TENM4: variants seen among roughly 807,000 people sequenced by gnomAD.
TENM4 encodes the protein teneurin-4.
TENM4 carries 82 observed loss-of-function variants against 243.3 expected under a neutral mutation model. The observed-to-expected ratio is 0.34, with a 90% CI of 0.28 to 0.40. TENM4 has a LOEUF of 0.40. TENM4 is among the 10% of genes least tolerant of loss of function. The probability of loss-of-function intolerance (pLI) is 1.00; values close to 1 mark genes in which losing one functional copy is unlikely to be tolerated. For synonymous variants in TENM4, 1,412 were observed against 1,456.3 expected (o/e 0.97, Z 0.69); for missense variants, 3,138 against 3,673.3 (o/e 0.85, Z 3.77).
rs74646420 is a variant in TENM4 at position 79,060,266 on chromosome 11, C to T, written c.493+4472G>A. Among the ~76,000 whole-genome samples, 1,118 of 152,236 alleles carry T rather than the reference C, an allele frequency of 7.3e-3. 20 individuals carry two copies. Among genetic ancestry groups the T allele is most frequent in the African/African-American group, 0.025 (1,046 of 41,548 alleles). ...GAGGGCTGGCTCTGCCTGAAGGCCC[C>T]GAGTAGGAAGATTTGTGTTTACATT... On this transcript the variant is annotated intron_variant, in intron 6 of 33. Coordinates refer to ENST00000278550, the MANE Select transcript of TENM4 (RefSeq NM_001098816.3).
At chr11:78,897,269 C>T (rs993718439) in intron 7 of TENM4, among the ~76,000 whole-genome samples, 1 of 152,174 alleles carries the variant, frequency 6.6e-6, no homozygotes, top group Admixed American at 6.5e-5. Context: ...AACCTTGTGC[C>T]TGGTTTGCCC....
At chr11:79,347,715 T>C (rs1381969296) in intron 1 of TENM4, among the ~76,000 whole-genome samples, 1 of 151,266 alleles carries the variant, frequency 6.6e-6, no homozygotes, top group Non-Finnish European at 1.5e-5. Flanking sequence ...AACATGCAGC[T>C]GGAGTAATGT....
intron 6 of TENM4, among the ~76,000 whole-genome samples, chr11:78,964,329 C>T (rs1857396632): frequency 6.6e-6 from 1 of 152,164 alleles, no homozygotes; most frequent in Non-Finnish European, 1.5e-5. Context: ...GTGTGAGCCA[C>T]CGTGCCTGGC....
At chr11:78,934,099 G>T (rs771084391) in intron 6 of TENM4, among the ~76,000 whole-genome samples, 1 of 152,146 alleles carries the variant, frequency 6.6e-6, no homozygotes, top group Non-Finnish European at 1.5e-5. Flanking sequence ...TGGTCATCCA[G>T]TTGACAAAAA....
intron 6 of TENM4, among the ~76,000 whole-genome samples, chr11:78,957,733 G>A (rs1250699846): frequency 6.6e-6 from 1 of 152,208 alleles, no homozygotes; most frequent in Non-Finnish European, 1.5e-5. Context: ...CCCATGGACG[G>A]CCCAGCATCC....
intron 6 of TENM4, among the ~76,000 whole-genome samples, chr11:78,939,610 CT>C (rs1856849280): frequency 6.6e-6 from 1 of 152,216 alleles, no homozygotes; most frequent in Admixed American, 6.5e-5. Context: ...GAGAATTAAT[CT>C]CTCCATTCTC....
chr11:78,953,329 C>T (rs1857143221), intron 6 of TENM4, among the ~76,000 whole-genome samples: 2 of 152,170 alleles, frequency 1.3e-5, no homozygotes, highest in Admixed American at 6.6e-5. Flanking sequence ...GATCATGACT[C>T]CCAGGCTGAG....
At chr11:78,751,451 A>G (rs1250897089) in intron 19 of TENM4, among the ~76,000 whole-genome samples, 1 of 152,158 alleles carries the variant, frequency 6.6e-6, no homozygotes, top group Non-Finnish European at 1.5e-5. Flanking sequence ...AGAGGAACCC[A>G]GCAAGATTTG....
intron 1 of TENM4, among the ~76,000 whole-genome samples, chr11:79,315,900 A>T (rs1159460120): frequency 2.6e-5 from 4 of 152,218 alleles, no homozygotes; most frequent in Non-Finnish European, 5.9e-5. Context: ...AAGTAATTGC[A>T]CTTTCTGCTA....
intron 2 of TENM4, among the ~76,000 whole-genome samples, chr11:79,243,974 TGA>T (rs1487054240): frequency 1.3e-5 from 2 of 152,154 alleles, no homozygotes; most frequent in African/African-American, 4.8e-5. Context: ...GGGTGGAGCC[TGA>T]GAGTGCATTT....
chr11:79,043,677 C>T (rs1190685904), intron 6 of TENM4, among the ~76,000 whole-genome samples: 2 of 152,070 alleles, frequency 1.3e-5, no homozygotes, highest in East Asian at 3.9e-4. Context: ...TAAAACAGGA[C>T]ATGGAAATAT....
chr11:79,252,322 C>A (rs1193944020), intron 2 of TENM4, among the ~76,000 whole-genome samples: 1 of 152,222 alleles, frequency 6.6e-6, no homozygotes, highest in African/African-American at 2.4e-5. Context: ...GCAAGCTCTG[C>A]CTCCCGCGTT....
chr11:78,855,825 G>T, intron 11 of TENM4, 139 bp downstream of exon 11: 1 of 790,074 alleles, frequency 1.3e-6, no homozygotes, highest in Non-Finnish European at 2.0e-6. Context: ...GGTCTGAGAG[G>T]GACTACATGA....
chr11:79,008,605 A>G lies in TENM4; in HGVS notation c.493+56133T>C, dbSNP rs1174551890. Reference sequence around the variant, plus strand: ...TAGGACTCATTTTAAGTAACTTTATAATATTACATTAGCTTGGTATGCCAT... The same window carrying G: ...TAGGACTCATTTTAAGTAACTTTATGATATTACATTAGCTTGGTATGCCAT... On this transcript the variant is annotated intron_variant, in intron 6 of 33. Transcript: ENST00000278550. 6.6e-5 allele frequency among the ~76,000 whole-genome samples: 10 copies of G among 152,346 alleles called. No homozygotes were observed. The East Asian group carries it at 1.7e-3, about 26-fold the overall frequency.
intron 1 of TENM4, among the ~76,000 whole-genome samples, chr11:79,346,444 C>T (rs11826953): frequency 0.022 from 3,274 of 152,212 alleles, 107 homozygotes; most frequent in African/African-American, 0.074. Flanking sequence ...GCTGCAGCAG[C>T]GGTAGCCTTA....
chr11:79,083,010 C>T (rs980160749), intron 4 of TENM4, among the ~76,000 whole-genome samples: 3 of 151,636 alleles, frequency 2.0e-5, no homozygotes, highest in Non-Finnish European at 2.9e-5. Flanking sequence ...GGGCCAGTCT[C>T]TCATGGAGCT....
chr11:79,087,643 A>T (rs535040156), intron 4 of TENM4, among the ~76,000 whole-genome samples: 5 of 152,158 alleles, frequency 3.3e-5, no homozygotes, highest in Non-Finnish European at 5.9e-5. Flanking sequence ...GGATCGAGGG[A>T]TGTTAGCTCT....
At chr11:79,386,720 T>G (rs901507635) in intron 1 of TENM4, among the ~76,000 whole-genome samples, 5 of 148,494 alleles carry the variant, frequency 3.4e-5, no homozygotes, top group Non-Finnish European at 7.4e-5. Flanking sequence ...ACCACCAGAA[T>G]AGCTAAAATG....
chr11:78,877,357 T>A (rs1384265021), intron 9 of TENM4, among the ~76,000 whole-genome samples: 1 of 152,212 alleles, frequency 6.6e-6, no homozygotes, highest in African/African-American at 2.4e-5. Flanking sequence ...GTTTGGCCCC[T>A]TCCTAACTTC....
Sources: gnomAD v4.1 joint callset for allele counts (sites outside exome capture counted in the v4.1 genomes callset) on GRCh38, gnomAD v4.1.1 for gene constraint, MANE v1.5 for transcripts, NCBI Gene and HGNC (gene_info 2026-07-23, HGNC 2026-07-21) for gene names.